SLC24A2: variants seen among roughly 807,000 people sequenced by gnomAD.
The protein encoded by SLC24A2 is sodium/potassium/calcium exchanger 2.
In SLC24A2, 36 loss-of-function variants were observed where a neutral mutation model predicts 62.0. The observed-to-expected ratio is 0.58, with a 90% CI of 0.44 to 0.77. The LOEUF is 0.77. SLC24A2 is among the 30% of genes least tolerant of loss of function. The pLI is 0.00. For missense variants in SLC24A2, 846 were observed against 817.9 expected (o/e 1.03, Z -0.42); for synonymous variants, 358 against 294.0 (o/e 1.22, Z -2.23).
At chr9:19,975,813 A>G in the SLC24A2 span, among the ~76,000 whole-genome samples, 2 of 151,790 alleles carry the variant, frequency 1.3e-5, no homozygotes, top group Admixed American at 6.6e-5. Context: ...GGCCCTCCAT[A>G]TCTGTGGGCC....
chr9:20,089,479 C>T, the SLC24A2 span, among the ~76,000 whole-genome samples: 1 of 152,096 alleles, frequency 6.6e-6, no homozygotes, highest in African/African-American at 2.4e-5. Flanking sequence ...ATAAAAGGCA[C>T]TACCCAGGCA....
At chr9:19,940,371 T>G in the SLC24A2 span, among the ~76,000 whole-genome samples, 1 of 152,220 alleles carries the variant, frequency 6.6e-6, no homozygotes, top group African/African-American at 2.4e-5. Context: ...AGGTGAACAT[T>G]TGAAGCCTTA....
At chr9:20,058,854 CT>C in the SLC24A2 span, among the ~76,000 whole-genome samples, 1 of 152,230 alleles carries the variant, frequency 6.6e-6, no homozygotes, top group Non-Finnish European at 1.5e-5. Flanking sequence ...TTGAGTCCCC[CT>C]TTTATTCCGA....
the SLC24A2 span, among the ~76,000 whole-genome samples, chr9:20,228,709 G>A: frequency 6.6e-6 from 1 of 152,082 alleles, no homozygotes; most frequent in African/African-American, 2.4e-5. Flanking sequence ...CCCTTAGGAG[G>A]GTATAACCAG....
the SLC24A2 span, among the ~76,000 whole-genome samples, chr9:20,246,667 A>C: frequency 2.0e-5 from 3 of 152,232 alleles, no homozygotes; most frequent in Admixed American, 1.3e-4. Flanking sequence ...TCAATCACAA[A>C]GTTCAAGATC....
chr9:19,823,924 T>C, the SLC24A2 span, among the ~76,000 whole-genome samples: 1 of 151,958 alleles, frequency 6.6e-6, no homozygotes, highest in African/African-American at 2.4e-5. Flanking sequence ...AATGGGGAAA[T>C]GATTCCCTAT....
At chr9:19,683,182 C>A (rs989075264) in intron 2 of SLC24A2, among the ~76,000 whole-genome samples, 1 of 152,126 alleles carries the variant, frequency 6.6e-6, no homozygotes, top group Admixed American at 6.6e-5. Flanking sequence ...GTATGCTAGA[C>A]GCTGTAAGTG....
chr9:20,209,737 C>T, the SLC24A2 span, among the ~76,000 whole-genome samples: 2 of 152,120 alleles, frequency 1.3e-5, no homozygotes, highest in Non-Finnish European at 2.9e-5. Flanking sequence ...CCACAAACCC[C>T]CTCAAAGTCA....
chr9:20,091,436 A>G, the SLC24A2 span, among the ~76,000 whole-genome samples: 2 of 152,172 alleles, frequency 1.3e-5, no homozygotes, highest in African/African-American at 4.8e-5. Flanking sequence ...AAAGAATATT[A>G]AAGGCAGCTA....
chr9:20,145,315 G>A, the SLC24A2 span, among the ~76,000 whole-genome samples: 1 of 152,020 alleles, frequency 6.6e-6, no homozygotes, highest in Non-Finnish European at 1.5e-5. Flanking sequence ...AAGGGTTATA[G>A]TGGGGGATAT....
At chr9:20,269,111 T>A in the SLC24A2 span, among the ~76,000 whole-genome samples, 1 of 152,324 alleles carries the variant, frequency 6.6e-6, no homozygotes, top group East Asian at 1.9e-4. Flanking sequence ...GGGGAGTTAC[T>A]TGTTTTTTGC....
intron 8 of SLC24A2, among the ~76,000 whole-genome samples, chr9:19,547,566 T>G (rs971270142): frequency 6.6e-6 from 1 of 151,922 alleles, no homozygotes; most frequent in Admixed American, 6.5e-5. Context: ...GATAAACACT[T>G]TGCCAGCCCT....
the SLC24A2 span, among the ~76,000 whole-genome samples, chr9:20,196,030 C>G: frequency 2.0e-5 from 3 of 151,842 alleles, no homozygotes; most frequent in East Asian, 5.8e-4. Context: ...TAGCATTAAG[C>G]GAATATAATA....
the SLC24A2 span, among the ~76,000 whole-genome samples, chr9:20,167,835 T>C: frequency 6.6e-6 from 1 of 151,582 alleles, no homozygotes; most frequent in Admixed American, 6.6e-5. Context: ...TCCTCCCACC[T>C]CAACTTCCCA....
At chr9:19,565,906 C>A (rs10757076) in intron 7 of SLC24A2, among the ~76,000 whole-genome samples, 137,714 of 149,326 alleles carry the variant, frequency 0.92, 63,665 homozygotes, top group East Asian at 1. Flanking sequence ...AAAACTGGCT[C>A]GCTATATATA....
chr9:20,173,137 T>G, the SLC24A2 span, among the ~76,000 whole-genome samples: 1 of 152,006 alleles, frequency 6.6e-6, no homozygotes, highest in African/African-American at 2.4e-5. Context: ...CAGCAACCCT[T>G]TATGATTAAA....
chr9:20,052,339 T>C, the SLC24A2 span, among the ~76,000 whole-genome samples: 6 of 152,326 alleles, frequency 3.9e-5, no homozygotes, highest in Admixed American at 3.9e-4. Flanking sequence ...AGACATTCTC[T>C]GTCATCTTCT....
At chr9:19,738,040 A>T (rs1423595505) in intron 2 of SLC24A2, among the ~76,000 whole-genome samples, 2 of 152,216 alleles carry the variant, frequency 1.3e-5, no homozygotes, top group Admixed American at 6.5e-5. Flanking sequence ...TAACTTGCTG[A>T]TCTTCAAAAT....
At chr9:19,680,220 C>T (rs1819680721) in intron 2 of SLC24A2, among the ~76,000 whole-genome samples, 1 of 152,136 alleles carries the variant, frequency 6.6e-6, no homozygotes, top group South Asian at 2.1e-4. Context: ...ATAGGAGAAG[C>T]ATCCAACCCT....
Sources: allele counts gnomAD v4.1 joint callset (sites outside exome capture counted in the v4.1 genomes callset), GRCh38; gene constraint gnomAD v4.1.1; transcripts MANE v1.5; gene names NCBI Gene and HGNC (gene_info 2026-07-23, HGNC 2026-07-21).